PDE8B: variants seen among roughly 807,000 people sequenced by gnomAD.
PDE8B encodes high affinity cAMP-specific and IBMX-insensitive 3',5'-cyclic phosphodiesterase 8B.
PDE8B carries 26 observed loss-of-function variants against 101.3 expected under a neutral mutation model. That is an observed-to-expected ratio of 0.26 (90% confidence interval 0.19 to 0.36). The LOEUF (loss-of-function observed/expected upper bound fraction) is 0.36, where lower values mean the gene tolerates loss of function less well. PDE8B is among the 10% of genes least tolerant of loss of function. The pLI, the probability that PDE8B is intolerant of heterozygous loss-of-function variation, is 1.00. For synonymous variants in PDE8B, 424 were observed against 429.3 expected, an observed-to-expected ratio of 0.99 and a Z score of 0.15; for missense variants, 810 against 1,163.1, an observed-to-expected ratio of 0.70 and a Z score of 4.42.
At chr5:77,389,822 A>G (rs1343622726) in intron 10 of PDE8B, among the ~76,000 whole-genome samples, 3 of 152,156 alleles carry the variant, frequency 2.0e-5, no homozygotes, top group African/African-American at 7.2e-5. Flanking sequence ...GCATCAGTCT[A>G]TCGCAGTGTG....
At chr5:77,111,368 T>C in the PDE8B span, among the ~76,000 whole-genome samples, 5 of 152,274 alleles carry the variant, frequency 3.3e-5, no homozygotes, top group Middle Eastern at 3.4e-3. Context: ...CAGGATGATT[T>C]TCTCTATACC....
chr5:77,264,042 C>T (rs1345732256), intron 1 of PDE8B, among the ~76,000 whole-genome samples: 1 of 152,146 alleles, frequency 6.6e-6, no homozygotes, highest in Non-Finnish European at 1.5e-5. Context: ...GCAGTACGTG[C>T]GTCTTTTGTG....
intron 1 of PDE8B, among the ~76,000 whole-genome samples, chr5:77,213,342 A>C (rs1164956724): frequency 6.6e-6 from 1 of 152,214 alleles, no homozygotes; most frequent in Non-Finnish European, 1.5e-5. Flanking sequence ...CATTGTGTGG[A>C]TCTCAGAAAG....
the PDE8B span, among the ~76,000 whole-genome samples, chr5:77,180,966 ACG>A: frequency 8.5e-6 from 1 of 117,768 alleles, no homozygotes; most frequent in Non-Finnish European, 1.7e-5. Context: ...GGGTGTGTAC[ACG>A]TGTGTGTGTG....
chr5:77,353,901 A>C (rs1189847691), intron 10 of PDE8B, among the ~76,000 whole-genome samples: 1 of 152,220 alleles, frequency 6.6e-6, no homozygotes, highest in African/African-American at 2.4e-5. Context: ...GAACTTTTTA[A>C]GGTAATTTTG....
At chr5:77,135,453 CAA>C in the PDE8B span, among the ~76,000 whole-genome samples, 1 of 150,358 alleles carries the variant, frequency 6.7e-6, no homozygotes. Flanking sequence ...TTGAGGGACT[CAA>C]GACTTTCAGC....
the PDE8B span, among the ~76,000 whole-genome samples, chr5:77,103,402 C>T: frequency 1.3e-5 from 2 of 152,086 alleles, no homozygotes; most frequent in Non-Finnish European, 2.9e-5. Flanking sequence ...ATATTTTTTT[C>T]CTTTCTGCAA....
In PDE8B at chr5:77,411,609, A is replaced by AC. The variant is rs1794573050; in HGVS notation, c.1531-67_1531-66insC. On this transcript the variant is annotated intron_variant, in intron 14 of 21. Coordinates refer to ENST00000264917, the MANE Select transcript of PDE8B (RefSeq NM_003719.5). ...AGGATTCAAATCTCTTTCACTAATA[A>AC]TAAAAAAAAAAAGAGAATGATAATA... 3.1e-6 allele frequency: 4 copies of AC among 1,292,196 alleles called. No individual in the cohort carries two copies. In the African/African-American group the frequency reaches 4.4e-5, roughly 14 times the overall value. The allele number at this position is 1,292,196 out of a possible 1,614,324, so 80.0% of individuals were successfully genotyped here. A position where few individuals can be genotyped will look rare whatever the true frequency, so the allele number is the denominator to read the frequency against.
the PDE8B span, among the ~76,000 whole-genome samples, chr5:77,180,140 G>C: frequency 7.6e-3 from 1,157 of 152,250 alleles, 10 homozygotes; most frequent in Non-Finnish European, 0.012. Context: ...CTCCAGCGAG[G>C]CTGGACTTCC....
intron 11 of PDE8B, among the ~76,000 whole-genome samples, chr5:77,404,355 C>T (rs1479716370): frequency 2.0e-5 from 3 of 151,870 alleles, no homozygotes; most frequent in Non-Finnish European, 2.9e-5. Context: ...GAAACCTGAC[C>T]TCAGGTGATC....
At chr5:77,231,364 T>C (rs929613516) in intron 1 of PDE8B, among the ~76,000 whole-genome samples, 1 of 152,224 alleles carries the variant, frequency 6.6e-6, no homozygotes, top group South Asian at 2.1e-4. Flanking sequence ...TTTACTTGGA[T>C]TAAACAGTCT....
In PDE8B at chr5:77,412,085, C is replaced by A. The variant is rs1173175429; in HGVS notation, c.1577-15C>A. Reference sequence around the variant, plus strand: ...CACAATTAACCAGCCTCCCCCATCCCATCTGTTTGCTCAGATGTGCACCAG... The same window carrying A: ...CACAATTAACCAGCCTCCCCCATCCAATCTGTTTGCTCAGATGTGCACCAG... On this transcript the variant is annotated splice_polypyrimidine_tract_variant and intron_variant, in intron 15 of 21. Coordinates refer to ENST00000264917, the MANE Select transcript of PDE8B (RefSeq NM_003719.5). 2.5e-6 allele frequency: 4 copies of A among 1,613,974 alleles called. No individual in the cohort carries two copies. The highest frequency in any genetic ancestry group is 3.4e-6 in the Non-Finnish European group (4 of 1,179,890).
At chr5:77,254,051 A>C (rs1384427013) in intron 1 of PDE8B, among the ~76,000 whole-genome samples, 1 of 152,142 alleles carries the variant, frequency 6.6e-6, no homozygotes, top group Non-Finnish European at 1.5e-5. Context: ...CTTTGTGTGG[A>C]ACTAATAAGT....
At chr5:77,219,912 T>C (rs150755618) in intron 1 of PDE8B, among the ~76,000 whole-genome samples, 8 of 152,260 alleles carry the variant, frequency 5.3e-5, no homozygotes, top group African/African-American at 1.7e-4. Context: ...TGTGCAAGCA[T>C]TGGGTGGATA....
intron 6 of PDE8B, among the ~76,000 whole-genome samples, chr5:77,340,132 C>T (rs1344912145): frequency 6.6e-6 from 1 of 152,036 alleles, no homozygotes; most frequent in Non-Finnish European, 1.5e-5. Context: ...TTGGGCTGAT[C>T]GATATATACT....
chr5:77,186,201 G>C, the PDE8B span, among the ~76,000 whole-genome samples: 70 of 152,260 alleles, frequency 4.6e-4, 1 homozygote, highest in Admixed American at 3.3e-4. Flanking sequence ...TCCCTGGTGT[G>C]CCCAGGAAGC....
At chr5:77,386,705 A>G (rs918592175) in intron 10 of PDE8B, among the ~76,000 whole-genome samples, 3 of 151,958 alleles carry the variant, frequency 2.0e-5, no homozygotes, top group Admixed American at 6.5e-5. Flanking sequence ...AATACAGTAT[A>G]CTGATGGGTC....
chr5:77,118,434 T>C, the PDE8B span: 1 of 398,686 alleles, frequency 2.5e-6, no homozygotes. Context: ...TGGAGAGTCA[T>C]GAGGTGCTTC....
chr5:77,312,246 G>A (rs1448702352), intron 2 of PDE8B, among the ~76,000 whole-genome samples, 193 bp downstream of exon 2: 1 of 151,750 alleles, frequency 6.6e-6, no homozygotes, highest in Non-Finnish European at 1.5e-5. Flanking sequence ...TGGGATTACA[G>A]GTGTGCGCCA....
Sources: allele counts gnomAD v4.1 joint callset (sites outside exome capture counted in the v4.1 genomes callset), GRCh38; gene constraint gnomAD v4.1.1; transcripts MANE v1.5; gene names NCBI Gene and HGNC (gene_info 2026-07-23, HGNC 2026-07-21).